Variants in DSC1 observed in about 807,000 individuals in gnomAD.
DSC1 encodes desmocollin-1.
Under a neutral mutation model 98.8 loss-of-function variants are expected in DSC1, and 79 were observed. The ratio of observed to expected loss-of-function variants is 0.80; its 90% confidence interval spans 0.67 to 0.96. The LOEUF (loss-of-function observed/expected upper bound fraction) is 0.96, where lower values mean the gene tolerates loss of function less well. Ranked by LOEUF, DSC1 falls within the 50% of genes least tolerant of loss-of-function variation. The pLI is 0.00. For synonymous variants in DSC1, 405 were observed against 372.1 expected, an observed-to-expected ratio of 1.09 and a Z score of -1.02; for missense variants, 1,115 against 1,075.9, an observed-to-expected ratio of 1.04 and a Z score of -0.51.
chr18:31,130,846 T>C (rs1988472646), intron 15 of DSC1, 135 bp from the exon 16 acceptor site: 12 of 1,607,814 alleles, frequency 7.5e-6, no homozygotes, highest in Non-Finnish European at 1.0e-5. Context: ...TTCCTATATA[T>C]AAAAAATGCA....
chr18:31,155,538 G>A (rs898693562), intron 4 of DSC1, among the ~76,000 whole-genome samples: 1 of 152,194 alleles, frequency 6.6e-6, no homozygotes, highest in Non-Finnish European at 1.5e-5. Flanking sequence ...GTTGAGGCAG[G>A]AGAATCGCTT....
In DSC1 at chr18:31,157,479, A is replaced by C; in HGVS notation, c.243T>G (p.His81Gln). The part of the protein sequence containing the change: ...ILEDGSIYTT[H>Q]DLILSSERKS... ...TCCTTTCAGAAGACAAAATGAGGTC[A>C]TGTGTTGTGTAAATTGAGCCATCTT... Residue 81 changes from histidine to glutamine, a missense_variant, in exon 3 of 16, where the codon CAT becomes CAG. By Grantham distance (24) the His-to-Gln change is conservative. Transcript: ENST00000257198. 1 of 1,614,228 alleles carries C rather than the reference A, an allele frequency of 6.2e-7. No homozygotes were observed. The highest frequency in any genetic ancestry group is 8.5e-7 in the Non-Finnish European group (1 of 1,180,042).
At chr18:31,155,782 T>C (rs1276952663) in intron 4 of DSC1, among the ~76,000 whole-genome samples, 1 of 152,144 alleles carries the variant, frequency 6.6e-6, no homozygotes, top group Non-Finnish European at 1.5e-5. Context: ...AGCATAGTAT[T>C]TGGGTGAATT....
chr18:31,141,521 A>G (rs76715428), intron 9 of DSC1, among the ~76,000 whole-genome samples: 1,668 of 152,320 alleles, frequency 0.011, 27 homozygotes, highest in African/African-American at 0.039. Context: ...TACCTGGAAT[A>G]TAGGGGGATT....
chr18:31,152,337 G>GA (rs1555645844), intron 5 of DSC1, among the ~76,000 whole-genome samples: 1 of 152,152 alleles, frequency 6.6e-6, no homozygotes, highest in African/African-American at 2.4e-5. Context: ...AATTGTTGAA[G>GA]AAAGTTCCCT....
intron 5 of DSC1, among the ~76,000 whole-genome samples, chr18:31,154,482 A>G (rs1171397837): frequency 6.6e-6 from 1 of 152,110 alleles, no homozygotes; most frequent in Non-Finnish European, 1.5e-5. Context: ...TTTATTATGG[A>G]TAACTTTAAA....
At chr18:31,150,309 C>G (rs796522865) in intron 5 of DSC1, among the ~76,000 whole-genome samples, 3 of 54,336 alleles carry the variant, frequency 5.5e-5, no homozygotes, top group Non-Finnish European at 7.9e-5. Context: ...ATCATCACCA[C>G]CACTACTACC....
At chr18:31,157,320 A>G (rs562512029) in intron 3 of DSC1, 51 bp downstream of exon 3, 1 of 1,554,040 alleles carries the variant, frequency 6.4e-7, no homozygotes, top group East Asian at 2.2e-5. Context: ...AACACGAAGG[A>G]CTCCCGTAAG....
chr18:31,136,029 A>C (rs1219382565), intron 11 of DSC1, among the ~76,000 whole-genome samples: 2 of 152,044 alleles, frequency 1.3e-5, no homozygotes, highest in Non-Finnish European at 2.9e-5. Context: ...TTATTCAGTG[A>C]CTTTTAAACT....
chr18:31,162,557 C>T lies in DSC1; in HGVS notation c.38G>A (p.Cys13Tyr), dbSNP rs772924051. 1.4e-5 allele frequency: 23 copies of T among 1,614,152 alleles called. No individual in the cohort carries two copies. Among genetic ancestry groups the T allele is most frequent in the Non-Finnish European group, 1.9e-5 (23 of 1,180,006 alleles). Residue 13 changes from cysteine to tyrosine, a missense_variant, in exon 1 of 16, where the codon TGT (cysteine) becomes TAT (tyrosine). Cys to Tyr is a radical substitution (Grantham distance 194, BLOSUM62 -2). Transcript: ENST00000257198. ...CAGGAGAGAGAAAAGGAGCTGCTTA[C>T]AGAAGATGCTCCCTGGGGCAGCAGA... ...LASAAPGSIF[C>Y]KQLLFSLLVL...
At chr18:31,138,745 T>C (rs1015429641) in intron 11 of DSC1, among the ~76,000 whole-genome samples, 26 of 97,436 alleles carry the variant, frequency 2.7e-4, no homozygotes, top group African/African-American at 6.8e-4. Context: ...AGAAATGCAA[T>C]AGACACAGGA....
intron 1 of DSC1, among the ~76,000 whole-genome samples, 184 bp downstream of exon 1, chr18:31,162,348 A>C (rs1211716308): frequency 2.0e-5 from 3 of 152,148 alleles, no homozygotes; most frequent in African/African-American, 7.2e-5. Context: ...TAAGCTGAAC[A>C]CTTTCCATCC....
Position 31,134,676 on chromosome 18 carries a change from G to A in DSC1, c.1772C>T (p.Ala591Val), listed in dbSNP as rs865927149. 3.1e-6 allele frequency: 5 copies of A among 1,613,100 alleles called. No individual in the cohort carries two copies. Among genetic ancestry groups the A allele is most frequent in the Non-Finnish European group, 4.2e-6 (5 of 1,179,498 alleles). Residue 591 changes from alanine to valine, a missense_variant, in exon 12 of 16, where the codon GCT (alanine) becomes GTT (valine). Transcript: ENST00000257198. ...ATCTGGATCTACAGGTTTCAGAACA[G>A]CAAAATCCTCATTATTCTGACAAAT... ...VTICQNNEDF[A>V]VLKPVDPDGP...
chr18:31,134,144 A>G lies in DSC1; in HGVS notation c.1877-14T>C. ...TGGCAGTTTTACCTAGGGAAAAAAAAGACAGAATATATATGGATTGGCTGT... is the reference window on the plus strand; with the variant it reads ...TGGCAGTTTTACCTAGGGAAAAAAAGGACAGAATATATATGGATTGGCTGT... On this transcript the variant is annotated splice_polypyrimidine_tract_variant and intron_variant, in intron 12 of 15. Coordinates refer to ENST00000257198, the MANE Select transcript of DSC1 (RefSeq NM_024421.2). The G allele has an allele frequency of 6.3e-7, 1 of 1,599,854 alleles. No individual in the cohort carries two copies. The highest frequency in any genetic ancestry group is 8.5e-7 in the Non-Finnish European group (1 of 1,178,794).
chr18:31,161,345 C>A (rs138978686), intron 1 of DSC1, among the ~76,000 whole-genome samples: 95 of 151,206 alleles, frequency 6.3e-4, no homozygotes, highest in Admixed American at 3.0e-3. Flanking sequence ...TGTATATGTG[C>A]GTGTGTGTAT....
intron 6 of DSC1, among the ~76,000 whole-genome samples, chr18:31,147,180 T>C: frequency 6.6e-6 from 1 of 151,974 alleles, no homozygotes; most frequent in East Asian, 1.9e-4. Context: ...GTTTGGAAGA[T>C]ATGCCAAAAA....
intron 11 of DSC1, among the ~76,000 whole-genome samples, chr18:31,138,829 C>A (rs1186624568): frequency 6.6e-6 from 1 of 151,574 alleles, no homozygotes; most frequent in Non-Finnish European, 1.5e-5. Flanking sequence ...AGAGTGGAAA[C>A]CTTCTTGGAT....
chr18:31,135,369 T>C (rs1204246308), intron 11 of DSC1, among the ~76,000 whole-genome samples: 2 of 152,154 alleles, frequency 1.3e-5, no homozygotes, highest in Non-Finnish European at 2.9e-5. Context: ...ATGGTAGCCA[T>C]ATTCCAGTGC....
At position 31,139,797 on chromosome 18, in the gene DSC1, T is replaced by C. The variant is rs755012258; in HGVS notation, c.1614A>G (p.Lys538=). 6.2e-7 allele frequency: 1 copy of C among 1,611,502 alleles called. No individual in the cohort carries two copies. Among genetic ancestry groups the C allele is most frequent in the South Asian group, 1.1e-5 (1 of 90,644 alleles). The change falls in exon 11 of 16, where the codon AAA becomes AAG. Residue 538 remains lysine, a synonymous_variant. Transcript: ENST00000257198. ...TATTGTATTGGTTGTTTTTTACAAA[T>C]TTGGATTCTCTATCTAGTACTTTTA... ...RTLKVLDRES[K]FVKNNQYNIS...
Sources: allele counts gnomAD v4.1 joint callset (sites outside exome capture counted in the v4.1 genomes callset), GRCh38; gene constraint gnomAD v4.1.1; transcripts MANE v1.5; gene names NCBI Gene and HGNC (gene_info 2026-07-23, HGNC 2026-07-21).